The following DSE variants were observed in gnomAD, a reference collection of about 807,000 sequenced individuals.
The protein encoded by DSE is dermatan sulfate epimerase.
DSE carries 36 observed loss-of-function variants against 84.4 expected under a neutral mutation model. The observed-to-expected ratio is 0.43, with a 90% CI of 0.33 to 0.56. The LOEUF is 0.56. Among genes scored for constraint, DSE ranks in the 20% least tolerant of loss-of-function variants. DSE has a pLI of 0.06. For missense variants in DSE, 862 were observed against 1,169.6 expected (o/e 0.74, Z 3.84); for synonymous variants, 410 against 430.1 (o/e 0.95, Z 0.58).
intron 2 of DSE, among the ~76,000 whole-genome samples, chr6:116,259,466 A>T (rs1490433045): frequency 6.6e-6 from 1 of 152,188 alleles, no homozygotes; most frequent in Non-Finnish European, 1.5e-5. Flanking sequence ...AATTTCTTCA[A>T]TTCACATTTA....
In DSE at chr6:116,380,297, A is replaced by G. The variant is rs543958983; in HGVS notation, c.-54+9176A>G. Among the ~76,000 whole-genome samples, 77 of 152,172 alleles carry G rather than the reference A, an allele frequency of 5.1e-4. 1 individual carries two copies. Among genetic ancestry groups the G allele is most frequent in the African/African-American group, 1.8e-3 (75 of 41,520 alleles). On this transcript the variant is annotated intron_variant, in intron 1 of 5. Coordinates refer to ENST00000644252, the MANE Select transcript of DSE (RefSeq NM_013352.4). Reference sequence around the variant, plus strand: ...GGGAAGAGGGGAAGGCATGCAAAATAAATATAACATAGTTTCCAGCCTTGA... The same window carrying G: ...GGGAAGAGGGGAAGGCATGCAAAATGAATATAACATAGTTTCCAGCCTTGA...
intron 2 of DSE, among the ~76,000 whole-genome samples, chr6:116,286,762 T>C (rs1229120440): frequency 6.6e-6 from 1 of 152,118 alleles, no homozygotes; most frequent in African/African-American, 2.4e-5. Flanking sequence ...CTGATATGGG[T>C]ATGTTTTACC....
chr6:116,361,930 A>C (rs991916506), intron 2 of DSE, among the ~76,000 whole-genome samples: 1 of 152,226 alleles, frequency 6.6e-6, no homozygotes, highest in African/African-American at 2.4e-5. Context: ...CTATTCTATC[A>C]TCCTCCTTCT....
chr6:116,321,130 T>A, intron 2 of DSE, among the ~76,000 whole-genome samples: 1 of 152,188 alleles, frequency 6.6e-6, no homozygotes, highest in East Asian at 1.9e-4. Context: ...GGTCACACTT[T>A]CAAATACTCA....
intron 1 of DSE, among the ~76,000 whole-genome samples, chr6:116,390,062 T>A (rs1780801752): frequency 6.6e-6 from 1 of 151,930 alleles, no homozygotes; most frequent in African/African-American, 2.4e-5. Flanking sequence ...CCTAACATAG[T>A]TCCAGGATTT....
At chr6:116,382,768 G>A (rs1780320115) in intron 1 of DSE, among the ~76,000 whole-genome samples, 1 of 152,224 alleles carries the variant, frequency 6.6e-6, no homozygotes, top group East Asian at 1.9e-4. Flanking sequence ...CAGCTGTGTG[G>A]CAAGAGAGAA....
intron 2 of DSE, among the ~76,000 whole-genome samples, chr6:116,328,303 T>C (rs1776744946): frequency 6.6e-6 from 1 of 152,210 alleles, no homozygotes; most frequent in Admixed American, 6.5e-5. Flanking sequence ...GTTCTTAGGG[T>C]GTTGGAATTT....
rs566404728 is a variant in DSE at position 116,284,748 on chromosome 6, C to G, written c.-54+25781C>G. ...AGTGTTCTCATTGTTCAATTCCCACCTATGAGTGATAATATGCAGTGTTTG... is the reference window on the plus strand; with the variant it reads ...AGTGTTCTCATTGTTCAATTCCCACGTATGAGTGATAATATGCAGTGTTTG... On this transcript the variant is annotated intron_variant, in intron 2 of 3. Transcript: ENST00000430252. Among the ~76,000 whole-genome samples, 5 of 149,518 alleles carry G rather than the reference C, an allele frequency of 3.3e-5. No individual in the cohort carries two copies. The East Asian group carries it at 9.9e-4, about 30-fold the overall frequency.
chr6:116,338,669 C>T (rs972339878), intron 2 of DSE, among the ~76,000 whole-genome samples: 2 of 152,146 alleles, frequency 1.3e-5, no homozygotes, highest in African/African-American at 4.8e-5. Flanking sequence ...TGACTCACAC[C>T]CAACCAGCAA....
chr6:116,303,646 G>A (rs1336061591), intron 2 of DSE, among the ~76,000 whole-genome samples: 4 of 151,640 alleles, frequency 2.6e-5, no homozygotes, highest in African/African-American at 4.9e-5. Context: ...GACAGGTGAC[G>A]ATAGGGGTAG....
intron 3 of DSE, 148 bp downstream of exon 3, chr6:116,426,975 T>A: frequency 9.4e-7 from 1 of 1,068,776 alleles, no homozygotes; most frequent in African/African-American, 1.6e-5. Context: ...CCCTACAGTA[T>A]CACTTAGTTA....
chr6:116,435,785 G>A lies in DSE; in HGVS notation c.1317G>A (p.Trp439Ter). 1.2e-6 allele frequency: 2 copies of A among 1,614,096 alleles called. No individual in the cohort carries two copies. Among genetic ancestry groups the A allele is most frequent in the Non-Finnish European group, 1.7e-6 (2 of 1,180,010 alleles). The change falls in exon 6 of 6, where the codon TGG becomes TGA. Residue 439 changes from tryptophan to a stop codon, truncating the protein, a stop_gained. Coordinates refer to ENST00000644252, the MANE Select transcript of DSE (RefSeq NM_013352.4). LOFTEE classifies it high-confidence loss of function. ...TCCACAGAAACAAATACAAAGATTG[G>A]ATCAAAGGATGGAGAAATTTTAATG... ...DIVHRNKYKD[W>*]IKGWRNFNAG...
chr6:116,365,983 A>G (rs1230527313), upstream of DSE: 1 of 152,208 alleles, frequency 6.6e-6, no homozygotes, highest in African/African-American at 2.4e-5. Flanking sequence ...CAGTCCACAC[A>G]AGACTGATTC....
At chr6:116,359,325 GC>G (rs921522933) in intron 2 of DSE, among the ~76,000 whole-genome samples, 1 of 152,030 alleles carries the variant, frequency 6.6e-6, no homozygotes, top group African/African-American at 2.4e-5. Context: ...TTGTAGGTTT[GC>G]CTCTATGATA....
intron 1 of DSE, among the ~76,000 whole-genome samples, chr6:116,388,634 A>G (rs1019558812): frequency 1.3e-5 from 2 of 152,258 alleles, no homozygotes; most frequent in Non-Finnish European, 2.9e-5. Flanking sequence ...AAAGTGGAAA[A>G]TGTATTTTGA....
intron 2 of DSE, among the ~76,000 whole-genome samples, chr6:116,264,362 G>A (rs1215664430): frequency 2.0e-5 from 3 of 151,784 alleles, no homozygotes; most frequent in East Asian, 3.9e-4. Context: ...CCTCTGCTTG[G>A]TCTATTCTAC....
chr6:116,360,738 T>C (rs1032537533), intron 2 of DSE, among the ~76,000 whole-genome samples: 3 of 152,232 alleles, frequency 2.0e-5, no homozygotes, highest in African/African-American at 4.8e-5. Flanking sequence ...TTAAAGATGA[T>C]AGTTAATTTT....
At chr6:116,366,176 A>G (rs182142861), upstream of DSE, 6 of 152,378 alleles carry the variant, frequency 3.9e-5, no homozygotes, top group African/African-American at 1.4e-4. Context: ...GTGGAACTCA[A>G]CAATGTTAAA....
chr6:116,276,570 GACTTTAATGATTTTAATCCATTAAGA>G (rs934950835), intron 2 of DSE: 31 of 152,128 alleles, frequency 2.0e-4, no homozygotes, highest in East Asian at 7.7e-4. Flanking sequence ...TCAATTTAAG[GACTTTAATGATTTTAATCCATTAAGA>G]ACTTTAATGA....
Sources: gnomAD v4.1 joint callset for allele counts (sites outside exome capture counted in the v4.1 genomes callset) on GRCh38, gnomAD v4.1.1 for gene constraint, MANE v1.5 for transcripts, NCBI Gene and HGNC (gene_info 2026-07-23, HGNC 2026-07-21) for gene names.